C14orf39: variants seen among roughly 807,000 people sequenced by gnomAD.
C14orf39 encodes the protein chromosome 14 open reading frame 39.
Under a neutral mutation model 85.6 loss-of-function variants are expected in C14orf39, and 66 were observed. The observed-to-expected ratio is 0.77, with a 90% CI of 0.63 to 0.95. The LOEUF is 0.95. Among genes scored for constraint, C14orf39 ranks in the 40% least tolerant of loss-of-function variants. The probability of loss-of-function intolerance (pLI) is 0.00; values close to 1 mark genes in which losing one functional copy is unlikely to be tolerated. For synonymous variants in C14orf39, 242 were observed against 214.0 expected (o/e 1.13, Z -1.14); for missense variants, 735 against 663.9 (o/e 1.11, Z -1.18).
At chr14:60,472,815 T>G (rs888796860) in intron 5 of C14orf39, among the ~76,000 whole-genome samples, 8 of 152,206 alleles carry the variant, frequency 5.3e-5, no homozygotes, top group African/African-American at 1.9e-4. Context: ...TGTTGGACAT[T>G]TGGCTTGGTT....
At chr14:60,471,299 T>C in intron 7 of C14orf39, 118 bp downstream of exon 7, 2 of 884,816 alleles carry the variant, frequency 2.3e-6, no homozygotes, top group South Asian at 3.5e-5. Flanking sequence ...TTTTTAAATA[T>C]TTTAATTAAA....
chr14:60,467,172 A>G (rs1315075765), intron 9 of C14orf39, 128 bp from the exon 10 acceptor site: 1 of 395,796 alleles, frequency 2.5e-6, no homozygotes, highest in Non-Finnish European at 4.1e-6. Flanking sequence ...CTGAGTTCCA[A>G]AGAATTTAAT....
intron 16 of C14orf39, among the ~76,000 whole-genome samples, chr14:60,448,800 A>G (rs1890900428): frequency 6.6e-6 from 1 of 152,228 alleles, no homozygotes; most frequent in Non-Finnish European, 1.5e-5. Context: ...ATCAACATCA[A>G]TGATAGAATG....
At chr14:60,511,093 G>A (rs777038713) in intron 1 of C14orf39, 1 of 1,612,832 alleles carries the variant, frequency 6.2e-7, no homozygotes, top group Non-Finnish European at 8.5e-7. Flanking sequence ...GACTCCAGCA[G>A]CAGGTCCTGT....
At chr14:60,446,309 T>A (rs1047992072) in intron 16 of C14orf39, among the ~76,000 whole-genome samples, 2 of 152,036 alleles carry the variant, frequency 1.3e-5, no homozygotes, top group African/African-American at 2.4e-5. Flanking sequence ...CTAGCAAGAC[T>A]AGTAAACAAG....
intron 1 of C14orf39, among the ~76,000 whole-genome samples, chr14:60,503,551 G>A (rs1196878754): frequency 3.9e-5 from 6 of 152,114 alleles, no homozygotes; most frequent in Non-Finnish European, 8.8e-5. Flanking sequence ...AACTAACTGT[G>A]CAATATGGGT....
chr14:60,455,892 A>C (rs1891251340), intron 15 of C14orf39, among the ~76,000 whole-genome samples: 1 of 152,154 alleles, frequency 6.6e-6, no homozygotes. Context: ...ATCTGATGAT[A>C]CTGCCATAAC....
chr14:60,459,804 G>T (rs1412243147), intron 13 of C14orf39, among the ~76,000 whole-genome samples: 1 of 151,526 alleles, frequency 6.6e-6, no homozygotes, highest in African/African-American at 2.4e-5. Flanking sequence ...ATTTTTAATT[G>T]GGTTGTCTGC....
chr14:60,485,741 C>A (rs1892857100), intron 1 of C14orf39, among the ~76,000 whole-genome samples: 1 of 152,080 alleles, frequency 6.6e-6, no homozygotes, highest in South Asian at 2.1e-4. Context: ...GTCCTGGCTT[C>A]CCCTCGCCCG....
At chr14:60,483,483 A>G (rs189793687) in intron 4 of C14orf39, among the ~76,000 whole-genome samples, 1 of 152,302 alleles carries the variant, frequency 6.6e-6, no homozygotes, top group African/African-American at 2.4e-5. Context: ...GATTAAGTGG[A>G]TCTGAATTAG....
At chr14:60,476,820 T>C (rs1892399626) in intron 5 of C14orf39, among the ~76,000 whole-genome samples, 1 of 152,086 alleles carries the variant, frequency 6.6e-6, no homozygotes, top group Non-Finnish European at 1.5e-5. Flanking sequence ...GAGAAATTTC[T>C]CTCAAACCTC....
At position 60,472,838 on chromosome 14, in the gene C14orf39, T is replaced by A. The variant is rs569362005; in HGVS notation, c.324-1099A>T. On this transcript the variant is annotated intron_variant, in intron 5 of 17. Coordinates refer to ENST00000321731, the MANE Select transcript of C14orf39 (RefSeq NM_174978.3). ...ATTTGGCTTGGTTCCAAGTCTTTGC[T>A]ATTGTGAATAGTGCCGCAATAAACA... Among the ~76,000 whole-genome samples, 35 of 152,320 alleles carry A rather than the reference T, an allele frequency of 2.3e-4. 1 individual carries two copies. The highest frequency in any genetic ancestry group is 7.9e-4 in the African/African-American group (33 of 41,578).
chr14:60,515,078 A>C lies in C14orf39; in HGVS notation c.-144+317T>G, dbSNP rs1893345195. The C allele has an allele frequency of 6.6e-6, 1 of 152,272 alleles. No homozygotes were observed. The highest frequency in any genetic ancestry group is 3.4e-3 in the Middle Eastern group (1 of 292). 9.4% of individuals were successfully genotyped at this position (152,272 alleles called of 1,614,324 possible). ...GGCGGCGGCGAGGGGAGAAGGGGTC[A>C]TTGTCCGCGCGCTGGCCCGGGCGCC... On this transcript the variant is annotated intron_variant, in intron 1 of 5. Transcript: ENST00000556799. This position sits in a 1 kb window ranked among gnomAD's most constrained non-coding sequence, Gnocchi z 6.2.
chr14:60,480,719 A>C (rs538163935), intron 4 of C14orf39, among the ~76,000 whole-genome samples: 3 of 152,316 alleles, frequency 2.0e-5, no homozygotes, highest in African/African-American at 7.2e-5. Context: ...TCCACAAGAG[A>C]TGATGGATAA....
chr14:60,501,127 C>T (rs1289537157), intron 1 of C14orf39, among the ~76,000 whole-genome samples: 1 of 151,810 alleles, frequency 6.6e-6, no homozygotes, highest in Non-Finnish European at 1.5e-5. Flanking sequence ...TATAGAGAGA[C>T]CCTGTCTCTA....
At chr14:60,509,995 T>C (rs1368121702) in intron 1 of C14orf39, 2 of 1,573,798 alleles carry the variant, frequency 1.3e-6, no homozygotes, top group Admixed American at 3.6e-5. Context: ...GCCTCCGCGC[T>C]TTGAGCGCAC....
At chr14:60,490,836 A>G (rs1473656675), upstream of C14orf39, among the ~76,000 whole-genome samples, 5 of 152,182 alleles carry the variant, frequency 3.3e-5, no homozygotes, top group Non-Finnish European at 7.3e-5. Context: ...CAACTGCCCT[A>G]CAAACTCTAT....
intron 1 of C14orf39, 125 bp from the exon 2 acceptor site, chr14:60,485,211 A>C (rs1892825194): frequency 2.6e-6 from 2 of 764,412 alleles, no homozygotes; most frequent in Non-Finnish European, 4.1e-6. Flanking sequence ...CCAGAACTGG[A>C]AGACGAGAGG....
At chr14:60,503,252 C>T (rs1242471525) in intron 1 of C14orf39, among the ~76,000 whole-genome samples, 2 of 152,174 alleles carry the variant, frequency 1.3e-5, no homozygotes, top group Non-Finnish European at 2.9e-5. Flanking sequence ...CCCAGAGACA[C>T]ATTTTTGATT....
Sources: gnomAD v4.1 joint callset for allele counts (sites outside exome capture counted in the v4.1 genomes callset) on GRCh38, gnomAD v4.1.1 for gene constraint, Gnocchi (gnomAD v3.1) non-coding constraint, MANE v1.5 for transcripts, NCBI Gene and HGNC (gene_info 2026-07-23, HGNC 2026-07-21) for gene names.